The following HS3ST3A1 variants were observed in gnomAD, a reference collection of about 807,000 sequenced individuals.
The protein encoded by HS3ST3A1 is heparan sulfate-glucosamine 3-sulfotransferase 3A1, also known as heparan sulfate glucosamine 3-O-sulfotransferase 3A1.
HS3ST3A1 carries 19 observed loss-of-function variants against 25.7 expected under a neutral mutation model. The ratio of observed to expected loss-of-function variants is 0.74; its 90% CI spans 0.52 to 1.08. The LOEUF (loss-of-function observed/expected upper bound fraction) is 1.08, where lower values mean the gene tolerates loss of function less well. Among genes scored for constraint, HS3ST3A1 ranks in the 50% least tolerant of loss-of-function variants. The probability of loss-of-function intolerance (pLI) is 0.00; values close to 1 mark genes in which losing one functional copy is unlikely to be tolerated. For synonymous variants in HS3ST3A1, 226 were observed against 278.6 expected (o/e 0.81, Z 1.88); for missense variants, 459 against 594.3 (o/e 0.77, Z 2.37).
At chr17:13,561,121 C>A (rs1428868892) in intron 1 of HS3ST3A1, among the ~76,000 whole-genome samples, 1 of 152,114 alleles carries the variant, frequency 6.6e-6, no homozygotes, top group East Asian at 1.9e-4. Context: ...TGGAGCCTAC[C>A]TCAGACCAAT....
chr17:13,586,865 G>A (rs1167953479), intron 1 of HS3ST3A1, among the ~76,000 whole-genome samples: 2 of 28,598 alleles, frequency 7.0e-5, no homozygotes, highest in Non-Finnish European at 1.2e-4. Context: ...GAGAGACTCT[G>A]TCTCACAAAA....
intron 1 of HS3ST3A1, among the ~76,000 whole-genome samples, chr17:13,528,000 C>T (rs1192377364): frequency 6.6e-6 from 1 of 152,084 alleles, no homozygotes; most frequent in Admixed American, 6.5e-5. Context: ...TTCTTGGCCC[C>T]CAGGAATAAG....
intron 1 of HS3ST3A1, among the ~76,000 whole-genome samples, chr17:13,527,106 A>T (rs936229961): frequency 3.9e-5 from 6 of 152,102 alleles, no homozygotes; most frequent in Non-Finnish European, 8.8e-5. Flanking sequence ...AAGCCCCAAG[A>T]GCTGAGGCTG....
At chr17:13,515,826 A>T (rs1370122214) in intron 1 of HS3ST3A1, among the ~76,000 whole-genome samples, 1 of 152,136 alleles carries the variant, frequency 6.6e-6, no homozygotes, top group Non-Finnish European at 1.5e-5. Context: ...TTTTAAAAAT[A>T]ATTTTAGCCA....
chr17:13,547,405 C>G (rs1203715347), intron 1 of HS3ST3A1, among the ~76,000 whole-genome samples: 1 of 152,046 alleles, frequency 6.6e-6, no homozygotes. Flanking sequence ...TTAGCCTCAC[C>G]CTACAACCTC....
chr17:13,585,165 C>G (rs1908217908), intron 1 of HS3ST3A1, among the ~76,000 whole-genome samples: 1 of 128,020 alleles, frequency 7.8e-6, no homozygotes, highest in African/African-American at 2.9e-5. Flanking sequence ...CAATTACAAT[C>G]TAAATACTCA....
At chr17:13,560,372 A>T (rs1275174508) in intron 1 of HS3ST3A1, among the ~76,000 whole-genome samples, 1 of 136,058 alleles carries the variant, frequency 7.3e-6, no homozygotes, top group Non-Finnish European at 1.5e-5. Flanking sequence ...TTTTCCTGCC[A>T]CCTTTGCTTC....
At chr17:13,501,886 A>G (rs1905488343) in intron 1 of HS3ST3A1, among the ~76,000 whole-genome samples, 1 of 152,234 alleles carries the variant, frequency 6.6e-6, no homozygotes, top group Admixed American at 6.5e-5. Context: ...TCAGACAGTG[A>G]GGATGCCTGG....
intron 1 of HS3ST3A1, among the ~76,000 whole-genome samples, chr17:13,555,083 C>T (rs574873844): frequency 4.6e-5 from 7 of 152,262 alleles, no homozygotes; most frequent in South Asian, 2.1e-4. Context: ...CTACCTACCT[C>T]GTCGGTGTTC....
At chr17:13,535,351 A>G (rs1906739781) in intron 1 of HS3ST3A1, among the ~76,000 whole-genome samples, 1 of 152,192 alleles carries the variant, frequency 6.6e-6, no homozygotes. Context: ...CACTACACTT[A>G]GGGGCCGTTT....
chr17:13,536,123 C>T (rs1228707379), intron 1 of HS3ST3A1, among the ~76,000 whole-genome samples: 1 of 152,112 alleles, frequency 6.6e-6, no homozygotes, highest in Admixed American at 6.5e-5. Context: ...AAAAGTTATA[C>T]TTCATCCCAT....
chr17:13,498,534 T>C (rs1174710922), intron 1 of HS3ST3A1, among the ~76,000 whole-genome samples: 2 of 152,172 alleles, frequency 1.3e-5, no homozygotes, highest in African/African-American at 2.4e-5. Flanking sequence ...AAACTGTCCA[T>C]AAAGAAATTA....
chr17:13,594,240 T>C (rs1001848754), intron 1 of HS3ST3A1, among the ~76,000 whole-genome samples: 1 of 152,156 alleles, frequency 6.6e-6, no homozygotes, highest in Admixed American at 6.5e-5. Flanking sequence ...TAAGGTGGTG[T>C]CTGTCAGTTT....
chr17:13,531,271 G>A (rs1024690297), intron 1 of HS3ST3A1, among the ~76,000 whole-genome samples: 15 of 152,048 alleles, frequency 9.9e-5, no homozygotes, highest in African/African-American at 3.1e-4. Flanking sequence ...TCAAGAACTC[G>A]GGGTTGTATT....
chr17:13,585,390 G>A (rs1908230639), intron 1 of HS3ST3A1, among the ~76,000 whole-genome samples: 1 of 151,192 alleles, frequency 6.6e-6, no homozygotes, highest in Admixed American at 6.6e-5. Context: ...AGTGGAGACG[G>A]GGTTTCACCA....
chr17:13,548,839 C>T (rs1209687444), intron 1 of HS3ST3A1, among the ~76,000 whole-genome samples: 2 of 152,104 alleles, frequency 1.3e-5, no homozygotes, highest in Non-Finnish European at 2.9e-5. Context: ...CGCTCTGTGT[C>T]TACCTAAAGG....
At chr17:13,539,715 G>A (rs1280259257) in intron 1 of HS3ST3A1, among the ~76,000 whole-genome samples, 3 of 136,628 alleles carry the variant, frequency 2.2e-5, no homozygotes, top group Admixed American at 7.4e-5. Context: ...TCCTCAATTC[G>A]AAAGAGACGT....
In HS3ST3A1 at chr17:13,496,836, G is replaced by T. The variant is rs8080565; in HGVS notation, c.600-18C>A. 8.7e-6 allele frequency: 14 copies of T among 1,606,378 alleles called. No homozygotes were observed. Among genetic ancestry groups the T allele is most frequent in the Non-Finnish European group, 1.2e-5 (14 of 1,175,852 alleles). On this transcript the variant is annotated intron_variant, in intron 1 of 1. Coordinates refer to ENST00000284110, the MANE Select transcript of HS3ST3A1 (RefSeq NM_006042.3). ...TCAGGTCCCTGAGAAACGCAAAAAG[G>T]CATGTCAGAGATGTGCAGAGAGAGC...
intron 1 of HS3ST3A1, among the ~76,000 whole-genome samples, chr17:13,554,404 T>C (rs756475560): frequency 6.6e-6 from 1 of 152,164 alleles, no homozygotes; most frequent in South Asian, 2.1e-4. Context: ...TTAAAAAATA[T>C]AAATGAGAAA....
Sources: allele counts gnomAD v4.1 joint callset (sites outside exome capture counted in the v4.1 genomes callset), GRCh38; gene constraint gnomAD v4.1.1; transcripts MANE v1.5; gene names NCBI Gene and HGNC (gene_info 2026-07-23, HGNC 2026-07-21).